The following ZSCAN21 variants were observed in gnomAD, a reference collection of about 807,000 sequenced individuals.
ZSCAN21 encodes zinc finger and SCAN domain-containing protein 21.
Under a neutral mutation model 35.6 loss-of-function variants are expected in ZSCAN21, and 26 were observed. The ratio of observed to expected loss-of-function variants is 0.73; its 90% CI spans 0.54 to 1.01. The LOEUF (loss-of-function observed/expected upper bound fraction) is 1.01, where lower values mean the gene tolerates loss of function less well. Among genes scored for constraint, ZSCAN21 ranks in the 50% least tolerant of loss-of-function variants. The probability of loss-of-function intolerance (pLI) is 0.00; values close to 1 mark genes in which losing one functional copy is unlikely to be tolerated. For synonymous variants in ZSCAN21, 219 were observed against 219.3 expected (o/e 1.00, Z 0.01); for missense variants, 593 against 587.1 (o/e 1.01, Z -0.10).
At chr7:100,056,698 A>T (rs982730249) in intron 1 of ZSCAN21, among the ~76,000 whole-genome samples, 4 of 151,916 alleles carry the variant, frequency 2.6e-5, no homozygotes, top group East Asian at 3.9e-4. Flanking sequence ...TCCTGACCTC[A>T]TGTGATCCAC....
chr7:100,063,775 CTTA>C lies in ZSCAN21; in HGVS notation c.593-10_593-8del. 6.3e-7 allele frequency: 1 copy of C among 1,592,646 alleles called. No individual in the cohort carries two copies. The highest frequency in any genetic ancestry group is 8.5e-7 in the Non-Finnish European group (1 of 1,171,364). ...AAACAACTGAAGTATCCTTAATCTGCTTATTGTTTCAGATTGCAGATTGAGTAC... is the reference window on the plus strand; with the variant it reads ...AAACAACTGAAGTATCCTTAATCTGCTTGTTTCAGATTGCAGATTGAGTAC... On this transcript the variant is annotated splice_polypyrimidine_tract_variant and intron_variant, in intron 3 of 3. Transcript: ENST00000292450.
At chr7:100,063,159 G>A (rs1021694318) in intron 3 of ZSCAN21, among the ~76,000 whole-genome samples, 22 of 152,360 alleles carry the variant, frequency 1.4e-4, no homozygotes, top group African/African-American at 5.3e-4. Flanking sequence ...CTCCCAAAGT[G>A]CTGGGATTAC....
intron 1 of ZSCAN21, among the ~76,000 whole-genome samples, chr7:100,054,605 C>T (rs1198918622): frequency 2.0e-5 from 3 of 151,910 alleles, no homozygotes; most frequent in Middle Eastern, 3.4e-3. Context: ...GCATTTTTTT[C>T]CGTGCCTTAC....
intron 3 of ZSCAN21, among the ~76,000 whole-genome samples, chr7:100,060,508 G>C (rs1000174343): frequency 6.6e-6 from 1 of 152,080 alleles, no homozygotes; most frequent in Non-Finnish European, 1.5e-5. Context: ...ATTGCAGTGA[G>C]CCAAGATCGC....
At position 100,064,688 on chromosome 7, in the gene ZSCAN21, T is replaced by C. The variant is rs775018250; in HGVS notation, c.*71T>C. ...TGAAAACCAGAAAGAAGTCTTGTCA[T>C]TGCAGCAGCATCGATTCCGGTGATA... On this transcript the variant is annotated 3_prime_UTR_variant, in exon 4 of 4. Transcript: ENST00000292450. 1.2e-6 allele frequency: 2 copies of C among 1,606,022 alleles called. No homozygotes were observed. The highest frequency in any genetic ancestry group is 3.4e-5 in the Admixed American group (2 of 59,154).
intron 3 of ZSCAN21, among the ~76,000 whole-genome samples, chr7:100,061,871 C>T (rs1235149019): frequency 6.6e-6 from 1 of 152,170 alleles, no homozygotes; most frequent in African/African-American, 2.4e-5. Flanking sequence ...TTTTTCAGAG[C>T]GAATTTCTCT....
rs369246193 is a variant in ZSCAN21, at chr7:100,051,178, C to CAAAAAAAAAAA, written c.-97+1352_-97+1362dup. Among the ~76,000 whole-genome samples, 169 of 41,350 alleles carry CAAAAAAAAAAA rather than the reference C, an allele frequency of 4.1e-3. 14 individuals carry two copies. Among genetic ancestry groups the CAAAAAAAAAAA allele is most frequent in the African/African-American group, 0.012 (102 of 8,846 alleles). The allele number at this position is 41,350 out of a possible 152,430, so 27.1% of individuals were successfully genotyped here. ...GGGAAACAAGAGTGAAACTACGTCT[C>CAAAAAAAAAAA]AAAAAAAAAAAAAAAAAAAAAAAAA... On this transcript the variant is annotated intron_variant, in intron 1 of 3. Transcript: ENST00000292450.
At chr7:100,056,331 A>G (rs1792074073) in intron 1 of ZSCAN21, among the ~76,000 whole-genome samples, 1 of 152,188 alleles carries the variant, frequency 6.6e-6, no homozygotes, top group African/African-American at 2.4e-5. Context: ...AATCTCAGAA[A>G]CTATAATATC....
chr7:100,059,250 CTG>C (rs911228621), intron 3 of ZSCAN21, among the ~76,000 whole-genome samples: 2 of 152,208 alleles, frequency 1.3e-5, no homozygotes, highest in African/African-American at 4.8e-5. Context: ...AAAAATTAAA[CTG>C]TTAGCTAAAT....
chr7:100,051,282 CTTTTTTTTTTTTTT>C (rs1164734568), intron 1 of ZSCAN21, among the ~76,000 whole-genome samples: 2 of 34,948 alleles, frequency 5.7e-5, no homozygotes, highest in East Asian at 1.0e-3. Flanking sequence ...TAGGGATTTT[CTTTTTTTTTTTTTT>C]TTTTTTTTTT....
intron 2 of ZSCAN21, 57 bp from the exon 3 acceptor site, chr7:100,057,641 C>A: frequency 6.7e-7 from 1 of 1,497,956 alleles, no homozygotes; most frequent in South Asian, 1.3e-5. Context: ...CTGGGATTTT[C>A]ATTCTTGGTC....
At chr7:100,061,343 A>G (rs1211993748) in intron 3 of ZSCAN21, among the ~76,000 whole-genome samples, 2 of 152,036 alleles carry the variant, frequency 1.3e-5, no homozygotes, top group Non-Finnish European at 2.9e-5. Context: ...GCAACATGGT[A>G]AAACCCCATT....
chr7:100,054,000 G>A (rs559779121), intron 1 of ZSCAN21, among the ~76,000 whole-genome samples: 3 of 151,920 alleles, frequency 2.0e-5, no homozygotes, highest in South Asian at 2.1e-4. Context: ...TAGCCACCAC[G>A]CCCGGCCAGT....
At chr7:100,059,795 C>T (rs1186538720) in intron 3 of ZSCAN21, among the ~76,000 whole-genome samples, 2 of 151,764 alleles carry the variant, frequency 1.3e-5, no homozygotes, top group East Asian at 1.9e-4. Flanking sequence ...CCGCAACCTC[C>T]GCATTCCAGT....
chr7:100,059,960 G>A (rs892728190), intron 3 of ZSCAN21, among the ~76,000 whole-genome samples: 6 of 150,494 alleles, frequency 4.0e-5, no homozygotes, highest in African/African-American at 1.5e-4. Context: ...CGCCCTCCTC[G>A]GCCTCCCAAA....
At chr7:100,057,673 C>G in intron 2 of ZSCAN21, 25 bp from the exon 3 acceptor site, 2 of 1,586,244 alleles carry the variant, frequency 1.3e-6, no homozygotes. Context: ...CATGCACAAA[C>G]CTAGCCATTC....
At chr7:100,062,487 C>T (rs898708847) in intron 3 of ZSCAN21, among the ~76,000 whole-genome samples, 1 of 151,146 alleles carries the variant, frequency 6.6e-6, no homozygotes, top group Admixed American at 6.6e-5. Flanking sequence ...CTCAGCTACT[C>T]GGGAGGCTGA....
At chr7:100,052,985 C>T (rs1229084367) in intron 1 of ZSCAN21, among the ~76,000 whole-genome samples, 2 of 151,710 alleles carry the variant, frequency 1.3e-5, no homozygotes, top group Non-Finnish European at 2.9e-5. Flanking sequence ...AAAAATTAGC[C>T]GGGCATGGCA....
In ZSCAN21 at chr7:100,064,399, G is replaced by A. The variant is rs1792522897; in HGVS notation, c.1204G>A (p.Gly402Ser). Residue 402 changes from glycine to serine, a missense_variant, in exon 4 of 4, where the codon GGC becomes AGC. By Grantham distance (56) the Gly-to-Ser change is moderately conservative. Transcript: ENST00000292450. Reference sequence around the variant, plus strand: ...TGGGAAGAGCTTCAGTCAGCATGCGGGCCTCAGCTCCCACCAGAGACTCCA... The same window carrying A: ...TGGGAAGAGCTTCAGTCAGCATGCGAGCCTCAGCTCCCACCAGAGACTCCA... Reference protein sequence around the residue: ...ECGKSFSQHAGLSSHQRLHTG... With the variant: ...ECGKSFSQHASLSSHQRLHTG... 7 of 1,601,150 alleles carry A rather than the reference G, an allele frequency of 4.4e-6. No homozygotes were observed. The highest frequency in any genetic ancestry group is 6.0e-6 in the Non-Finnish European group (7 of 1,174,126).
Sources: gnomAD v4.1 joint callset for allele counts (sites outside exome capture counted in the v4.1 genomes callset) on GRCh38, gnomAD v4.1.1 for gene constraint, MANE v1.5 for transcripts, NCBI Gene and HGNC (gene_info 2026-07-23, HGNC 2026-07-21) for gene names.